The following EPHB1 variants were observed in gnomAD, a reference collection of about 807,000 sequenced individuals.
The protein encoded by EPHB1 is ephrin type-B receptor 1.
EPHB1 carries 30 observed loss-of-function variants against 94.4 expected under a neutral mutation model. The ratio of observed to expected loss-of-function variants is 0.32; its 90% CI spans 0.24 to 0.43. EPHB1 has a LOEUF of 0.43. EPHB1 is among the 20% of genes least tolerant of loss of function. The pLI is 1.00. For missense variants in EPHB1, 1,055 were observed against 1,308.3 expected, an observed-to-expected ratio of 0.81 and a Z score of 2.99; for synonymous variants, 522 against 489.1, an observed-to-expected ratio of 1.07 and a Z score of -0.89.
chr3:134,962,374 A>G (rs1933554323), intron 3 of EPHB1, among the ~76,000 whole-genome samples: 1 of 152,072 alleles, frequency 6.6e-6, no homozygotes, highest in South Asian at 2.1e-4. Context: ...ACCCTGCATC[A>G]TCCTCTGTAT....
At chr3:134,796,814 C>T (rs1372271670) in intron 1 of EPHB1, among the ~76,000 whole-genome samples, 1 of 152,260 alleles carries the variant, frequency 6.6e-6, no homozygotes, top group African/African-American at 2.4e-5. Context: ...TGGAACTCCT[C>T]TGGGGGACTC....
At chr3:135,207,985 T>G (rs192539452) in intron 12 of EPHB1, among the ~76,000 whole-genome samples, 1 of 152,282 alleles carries the variant, frequency 6.6e-6, no homozygotes, top group Admixed American at 6.5e-5. Context: ...CCTTCAAATA[T>G]CACCCAATTG....
At chr3:134,934,007 C>T (rs906195830) in intron 2 of EPHB1, among the ~76,000 whole-genome samples, 3 of 152,182 alleles carry the variant, frequency 2.0e-5, no homozygotes, top group Admixed American at 1.3e-4. Context: ...ATACCCTCCC[C>T]TCCTATTCCC....
intron 3 of EPHB1, among the ~76,000 whole-genome samples, chr3:134,959,519 T>G (rs1042414507): frequency 8.5e-5 from 13 of 152,228 alleles, no homozygotes; most frequent in Admixed American, 7.9e-4. Flanking sequence ...TCTTGTGTTT[T>G]TATACCTTAT....
chr3:134,911,585 G>C (rs2038456186), intron 1 of EPHB1, among the ~76,000 whole-genome samples: 2 of 152,180 alleles, frequency 1.3e-5, no homozygotes, highest in South Asian at 2.1e-4. Context: ...TCTTGAACTG[G>C]AGAGGTGGCA....
chr3:135,091,237 G>A (rs1559825909), intron 3 of EPHB1, among the ~76,000 whole-genome samples: 3 of 152,194 alleles, frequency 2.0e-5, no homozygotes, highest in African/African-American at 7.2e-5. Context: ...GTGGGGGTGA[G>A]CTCCACAGAG....
At chr3:134,797,389 G>T (rs771191679) in intron 1 of EPHB1, among the ~76,000 whole-genome samples, 2 of 152,192 alleles carry the variant, frequency 1.3e-5, no homozygotes, top group Non-Finnish European at 2.9e-5. Context: ...CAGGGTGAGC[G>T]CATTTGCAAG....
intron 3 of EPHB1, among the ~76,000 whole-genome samples, chr3:134,999,782 G>A (rs1477925821): frequency 6.6e-6 from 1 of 152,204 alleles, no homozygotes; most frequent in Non-Finnish European, 1.5e-5. Flanking sequence ...AAAGCGTCTT[G>A]CCTCAGGTGG....
intron 13 of EPHB1, among the ~76,000 whole-genome samples, chr3:135,244,907 G>T (rs1439173833): frequency 6.6e-6 from 1 of 152,046 alleles, no homozygotes; most frequent in Non-Finnish European, 1.5e-5. Flanking sequence ...TTTTCCCTAT[G>T]TGCAAGAAGC....
intron 9 of EPHB1, among the ~76,000 whole-genome samples, chr3:135,176,791 G>A (rs774465034): frequency 6.6e-6 from 1 of 152,118 alleles, no homozygotes; most frequent in Non-Finnish European, 1.5e-5. Context: ...CCTTATGTAT[G>A]TCTTTACTTG....
intron 3 of EPHB1, among the ~76,000 whole-genome samples, chr3:135,040,443 C>T (rs1466805153): frequency 6.6e-6 from 1 of 152,186 alleles, no homozygotes; most frequent in African/African-American, 2.4e-5. Flanking sequence ...GGACCTGCAG[C>T]ATTGGGAGGG....
chr3:135,246,953 TACTC>T (rs1385892483), intron 13 of EPHB1, among the ~76,000 whole-genome samples: 3 of 152,116 alleles, frequency 2.0e-5, no homozygotes, highest in Non-Finnish European at 4.4e-5. Context: ...TAACTGAAAA[TACTC>T]ACTTTTTGAC....
chr3:134,826,082 A>G lies in EPHB1; in HGVS notation c.58+30393A>G, dbSNP rs1410851598. On this transcript the variant is annotated intron_variant, in intron 1 of 15. Transcript: ENST00000398015. ...TAGTGAAACCCCGTCTCTACTAAAA[A>G]TACAAAAAAAAAAAAAAAAATCAGC... is the stretch of plus-strand genomic sequence containing the variant. Among the ~76,000 whole-genome samples, 89 of 125,500 alleles carry G rather than the reference A, an allele frequency of 7.1e-4. 1 individual carries two copies. Among genetic ancestry groups the G allele is most frequent in the Non-Finnish European group, 3.1e-5 (2 of 64,974 alleles). 82.3% of individuals were successfully genotyped at this position (125,500 alleles called of 152,430 possible).
intron 3 of EPHB1, among the ~76,000 whole-genome samples, chr3:135,013,147 G>C (rs1489564735): frequency 1.3e-5 from 2 of 152,162 alleles, no homozygotes; most frequent in Non-Finnish European, 2.9e-5. Flanking sequence ...CCGTTTATCA[G>C]AAGGAAAGCT....
chr3:135,243,527 C>T (rs1056761761), intron 13 of EPHB1, among the ~76,000 whole-genome samples: 7 of 152,172 alleles, frequency 4.6e-5, no homozygotes, highest in African/African-American at 1.7e-4. Context: ...TAAGCATTGT[C>T]TCAAGTGCAG....
chr3:134,816,151 C>T (rs1212969088), intron 1 of EPHB1, among the ~76,000 whole-genome samples: 3 of 126,128 alleles, frequency 2.4e-5, no homozygotes, highest in East Asian at 2.3e-4. Flanking sequence ...GGTGTGATCT[C>T]GGCTCACTGC....
chr3:134,812,755 C>G (rs758879100), intron 1 of EPHB1, among the ~76,000 whole-genome samples: 1 of 152,228 alleles, frequency 6.6e-6, no homozygotes, highest in Non-Finnish European at 1.5e-5. Flanking sequence ...TGTTCCACAT[C>G]CTCACCAGCA....
chr3:135,232,577 G>A (rs1943560121), intron 12 of EPHB1, among the ~76,000 whole-genome samples: 1 of 152,032 alleles, frequency 6.6e-6, no homozygotes, highest in South Asian at 2.1e-4. Context: ...TTGGGCCACA[G>A]ATATACTTGA....
intron 12 of EPHB1, among the ~76,000 whole-genome samples, chr3:135,214,577 A>G (rs1943100805): frequency 6.6e-6 from 1 of 152,166 alleles, no homozygotes; most frequent in Non-Finnish European, 1.5e-5. Flanking sequence ...GACGAATTTC[A>G]GTCATCCCAG....
Sources: gnomAD v4.1 joint callset for allele counts (sites outside exome capture counted in the v4.1 genomes callset) on GRCh38, gnomAD v4.1.1 for gene constraint, MANE v1.5 for transcripts, NCBI Gene and HGNC (gene_info 2026-07-23, HGNC 2026-07-21) for gene names.